PABPN1L: variants seen among roughly 807,000 people sequenced by gnomAD.
The protein encoded by PABPN1L is embryonic polyadenylate-binding protein 2.
Under a neutral mutation model 34.0 loss-of-function variants are expected in PABPN1L, and 45 were observed. That is an observed-to-expected ratio of 1.32 (90% confidence interval 1.04 to 1.70). PABPN1L has a LOEUF of 1.70. PABPN1L is among the 40% of genes most tolerant of loss of function. The pLI is 0.00. For missense variants in PABPN1L, 459 were observed against 367.8 expected (o/e 1.25, Z -2.03); for synonymous variants, 182 against 152.1 (o/e 1.20, Z -1.45).
chr16:88,864,773 C>A, intron 5 of PABPN1L, 80 bp downstream of exon 5: 1 of 1,417,158 alleles, frequency 7.1e-7, no homozygotes, highest in Admixed American at 2.0e-5. Context: ...GAGGAGCCAG[C>A]TGGGGCTGCT....
chr16:88,865,616 CA>C lies in PABPN1L; in HGVS notation c.405del (p.Thr137ProfsTer57). 1 of 1,609,510 alleles carries C rather than the reference CA, an allele frequency of 6.2e-7. No individual in the cohort carries two copies. The highest frequency in any genetic ancestry group is 8.5e-7 in the Non-Finnish European group (1 of 1,178,266). Reference sequence around the variant, plus strand: ...GCCTCCACCTTCTCCTCGGGGGTCCCAGAGAGGGGGCAGCCTGCGGAGAACA... The same window carrying C: ...GCCTCCACCTTCTCCTCGGGGGTCCCGAGAGGGGGCAGCCTGCGGAGAACA... On this transcript the variant is annotated frameshift_variant, in exon 3 of 7. Coordinates refer to ENST00000419291, the Ensembl canonical transcript of PABPN1L. LOFTEE classifies it high-confidence loss of function.
At chr16:88,866,678 G>T, upstream of PABPN1L, 1 of 1,454,566 alleles carries the variant, frequency 6.9e-7, no homozygotes, top group Non-Finnish European at 9.0e-7. Context: ...CACCTGCCCA[G>T]GCTCTCCTGG....
chr16:88,863,716 A>G (rs1038317161), exon 7 of PABPN1L: 1 of 1,534,712 alleles, frequency 6.5e-7, no homozygotes. Flanking sequence ...TTTACTCCTG[A>G]TCCAGGCCCC....
rs770779732 is a variant in PABPN1L, at chr16:88,863,622, C to G, written c.*134G>C. On this transcript the variant is annotated 3_prime_UTR_variant, in exon 7 of 7. Transcript: ENST00000419291. Reference sequence around the variant, plus strand: ...GGGCCATCCCCCCGCCAAGAGGGGGCCAGTGGCTGCTCTGGACACCCCTCT... The same window carrying G: ...GGGCCATCCCCCCGCCAAGAGGGGGGCAGTGGCTGCTCTGGACACCCCTCT... 4 of 1,142,826 alleles carry G rather than the reference C, an allele frequency of 3.5e-6. No homozygotes were observed. In the South Asian group the frequency reaches 5.3e-5, roughly 15 times the overall value. 70.8% of individuals were successfully genotyped at this position (1,142,826 alleles called of 1,614,324 possible).
At chr16:88,865,769 T>A in intron 2 of PABPN1L, 37 bp downstream of exon 2, 1 of 1,581,718 alleles carries the variant, frequency 6.3e-7, no homozygotes, top group South Asian at 1.2e-5. Context: ...GTGGGACCCT[T>A]GCTCAGTGGG....
At chr16:88,865,673 CCTCA>C (rs1165191091) in intron 2 of PABPN1L, 43 bp from the exon 3 acceptor site, 5 of 1,572,392 alleles carry the variant, frequency 3.2e-6, no homozygotes, top group Non-Finnish European at 4.3e-6. Context: ...TTGGTTCCTT[CCTCA>C]CTCCTCTCAC....
At chr16:88,864,131 A>G in intron 6 of PABPN1L, 106 bp downstream of exon 6, 4 of 1,380,144 alleles carry the variant, frequency 2.9e-6, no homozygotes, top group Admixed American at 2.7e-5. Context: ...CCCGCCAGGT[A>G]CATTCCTGCA....
rs115622224 is a variant in PABPN1L at position 88,863,543 on chromosome 16, G to A, written c.*213C>T. The A allele has an allele frequency of 3.3e-3, 2,183 of 669,614 alleles. 39 individuals carry two copies. The African/African-American group carries it at 0.034, about 10-fold the overall frequency. 41.5% of individuals were successfully genotyped at this position (669,614 alleles called of 1,614,324 possible). A position where few individuals can be genotyped will look rare whatever the true frequency, so the allele number is the denominator to read the frequency against. ...CATGCCAGGCTCACCACCGGGCCGT[G>A]GCTGTGACTCGTGGCTGTGGCCTTG... On this transcript the variant is annotated 3_prime_UTR_variant, in exon 7 of 7. Coordinates refer to ENST00000419291, the Ensembl canonical transcript of PABPN1L.
At chr16:88,865,269 G>A (rs1968563365) in intron 3 of PABPN1L, 141 bp from the exon 4 acceptor site, 1 of 873,120 alleles carries the variant, frequency 1.1e-6, no homozygotes, top group Non-Finnish European at 1.7e-6. Flanking sequence ...ACCCCCGCTG[G>A]GGTTGGAGGG....
rs1296372921 is a variant in PABPN1L, at chr16:88,863,732, C to T, written c.*24G>A. On this transcript the variant is annotated 3_prime_UTR_variant, in exon 7 of 7. Transcript: ENST00000419291. ...TTACTCCTGATCCAGGCCCCAGCCC[C>T]TCTCTCAAAATCGGGTCTTCCCTTT... The T allele has an allele frequency of 2.0e-6, 3 of 1,534,760 alleles. No individual in the cohort carries two copies. In the Admixed American group the frequency reaches 5.9e-5, roughly 30 times the overall value.
At chr16:88,866,622 G>T, upstream of PABPN1L, 1 of 1,524,376 alleles carries the variant, frequency 6.6e-7, no homozygotes. Context: ...AGGGGCAGGA[G>T]GAAGGTGGGC....
At chr16:88,867,935 C>A (rs28413584), upstream of PABPN1L, among the ~76,000 whole-genome samples, 13,474 of 152,248 alleles carry the variant, frequency 0.089, 1,532 homozygotes, top group African/African-American at 0.26. Flanking sequence ...AGGCCGAGGC[C>A]ATCCTCTCTG....
In PABPN1L at chr16:88,864,928, T is replaced by C. The variant is rs776739938; in HGVS notation, c.579A>G (p.Ile193Met). The change falls in exon 5 of 7, where the codon ATA (isoleucine) becomes ATG (methionine). Residue 193 changes from isoleucine to methionine, a missense_variant. Ile to Met is a conservative substitution (Grantham distance 10, BLOSUM62 1). Coordinates refer to ENST00000419291, the Ensembl canonical transcript of PABPN1L. Reference sequence around the variant, plus strand: ...GCACGGAGCCCTTGGTGGCAAACTCTATGTAGGCATAACTGAGGGGAGGGG... The same window carrying C: ...GCACGGAGCCCTTGGTGGCAAACTCCATGTAGGCATAACTGAGGGGAGGGG... The C allele has an allele frequency of 1.9e-6, 3 of 1,599,260 alleles. No homozygotes were observed. In the East Asian group the frequency reaches 6.8e-5, roughly 36 times the overall value.
upstream of PABPN1L, among the ~76,000 whole-genome samples, chr16:88,869,352 G>A (rs891681274): frequency 5.3e-5 from 8 of 152,310 alleles, no homozygotes; most frequent in African/African-American, 1.7e-4. Context: ...ACACACTTAC[G>A]TGTGCGTGGT....
upstream of PABPN1L, among the ~76,000 whole-genome samples, chr16:88,868,965 C>T (rs932673048): frequency 6.6e-6 from 1 of 152,190 alleles, no homozygotes; most frequent in Non-Finnish European, 1.5e-5. Context: ...ATCACACTAT[C>T]TGGGTGGGAT....
At chr16:88,866,822 T>A (rs898277914), upstream of PABPN1L, among the ~76,000 whole-genome samples, 10 of 152,170 alleles carry the variant, frequency 6.6e-5, no homozygotes, top group African/African-American at 2.4e-4. Context: ...CAGGACACTC[T>A]CCCTGGAGGA....
chr16:88,863,951 T>C (rs1968512922), intron 6 of PABPN1L, among the ~76,000 whole-genome samples, 156 bp from the exon 7 acceptor site: 1 of 152,128 alleles, frequency 6.6e-6, no homozygotes, highest in South Asian at 2.1e-4. Context: ...GCTGCTCTCT[T>C]GGGAGGGTCC....
upstream of PABPN1L, among the ~76,000 whole-genome samples, chr16:88,867,862 G>A (rs1343949171): frequency 6.6e-6 from 1 of 152,152 alleles, no homozygotes; most frequent in Admixed American, 6.5e-5. Context: ...AGGGGGTCAT[G>A]CATGGCTCTT....
At chr16:88,866,741 G>A (rs1370298701), upstream of PABPN1L, 6 of 1,224,036 alleles carry the variant, frequency 4.9e-6, no homozygotes, top group African/African-American at 4.6e-5. Context: ...ATTTGCAAAG[G>A]CTGAGTGGGG....
Sources: allele counts gnomAD v4.1 joint callset (sites outside exome capture counted in the v4.1 genomes callset), GRCh38; gene constraint gnomAD v4.1.1; transcripts MANE v1.5; gene names NCBI Gene and HGNC (gene_info 2026-07-23, HGNC 2026-07-21).